Variants in PHKG2 observed in about 807,000 individuals in gnomAD.
The protein encoded by PHKG2 is phosphorylase b kinase gamma catalytic chain, liver/testis isoform.
Under a neutral mutation model 44.5 loss-of-function variants are expected in PHKG2, and 28 were observed. The observed-to-expected ratio is 0.63, with a 90% confidence interval of 0.47 to 0.86. PHKG2 has a LOEUF of 0.86. Among genes scored for constraint, PHKG2 ranks in the 40% least tolerant of loss-of-function variants. The pLI, the probability that PHKG2 is intolerant of heterozygous loss-of-function variation, is 0.00. For missense variants in PHKG2, 498 were observed against 547.5 expected (o/e 0.91, Z 0.90); for synonymous variants, 220 against 211.2 (o/e 1.04, Z -0.36).
chr16:30,761,023 GCCT>G lies in PHKG2; in HGVS notation c.*3931_*3933del, dbSNP rs1452131047. On this transcript the variant is annotated 3_prime_UTR_variant, in exon 10 of 10. Coordinates refer to ENST00000563588, the MANE Select transcript of PHKG2 (RefSeq NM_000294.3). The stretch of plus-strand genomic sequence containing the variant: ...TCTTTGGCTCTTTTTTTCTCACACT[GCCT>G]CCTCTTTGGACTGGAGAGGCTGGAA... The G allele has an allele frequency of 1.5e-6, 1 of 675,648 alleles. No individual in the cohort carries two copies. Among genetic ancestry groups the G allele is most frequent in the Non-Finnish European group, 2.5e-6 (1 of 401,392 alleles). 41.9% of individuals were successfully genotyped at this position (675,648 alleles called of 1,614,324 possible). A position where few individuals can be genotyped will look rare whatever the true frequency, so the allele number is the denominator to read the frequency against.
intron 6 of PHKG2, 34 bp from the exon 7 acceptor site, chr16:30,756,148 T>C: frequency 6.7e-7 from 1 of 1,499,722 alleles, no homozygotes; most frequent in Non-Finnish European, 9.3e-7. Flanking sequence ...GAGGGGCTGG[T>C]GGCATCCCCT....
chr16:30,757,496 CT>C lies in PHKG2; in HGVS notation c.*402del. The C allele has an allele frequency of 6.2e-7, 1 of 1,613,984 alleles. No homozygotes were observed. The highest frequency in any genetic ancestry group is 1.1e-5 in the South Asian group (1 of 91,042). On this transcript the variant is annotated 3_prime_UTR_variant, in exon 10 of 10. Transcript: ENST00000563588. ...GGGGGTCACTTGGTCTTGCTCTTGC[CT>C]TTACCCGGAGGTAGCTGGAAGGGCC...
intron 4 of PHKG2, chr16:30,753,018 AT>A: frequency 1.7e-6 from 1 of 596,924 alleles, no homozygotes; most frequent in Admixed American, 2.8e-5. Flanking sequence ...TATTTTTGCC[AT>A]AATTGCCCCA....
chr16:30,749,369 A>G lies in PHKG2; in HGVS notation c.95+454A>G, dbSNP rs1162422306. Among the ~76,000 whole-genome samples the G allele has an allele frequency of 3.3e-5, 5 of 151,840 alleles. No homozygotes were observed. In the East Asian group the frequency reaches 9.7e-4, roughly 29 times the overall value. ...GTTTGTTTGTTTGTTTGTTTTTGAG[A>G]CGGAGTCTCGCTCTGTCGCCCAGGC... is the stretch of plus-strand genomic sequence containing the variant. On this transcript the variant is annotated intron_variant, in intron 2 of 9. Coordinates refer to ENST00000563588, the MANE Select transcript of PHKG2 (RefSeq NM_000294.3).
At position 30,753,492 on chromosome 16, in the gene PHKG2, A is replaced by G. The variant is rs545582783; in HGVS notation, c.491A>G (p.Asn164Ser). 1.9e-6 allele frequency: 3 copies of G among 1,614,090 alleles called. No individual in the cohort carries two copies. Among genetic ancestry groups the G allele is most frequent in the East Asian group, 2.2e-5 (1 of 44,876 alleles). Residue 164 changes from asparagine (N) to serine (S), a missense_variant, in exon 6 of 10, where the codon AAT (asparagine) becomes AGT (serine). Transcript: ENST00000563588. ...CCCGAGAATATTCTCCTAGATGACA[A>G]TATGCAGATCCGACTTTCAGATTTC... The part of the protein sequence containing the change: ...LKPENILLDD[N>S]MQIRLSDFGF...
chr16:30,751,081 T>C, intron 2 of PHKG2, 25 bp from the exon 3 acceptor site: 1 of 1,611,088 alleles, frequency 6.2e-7, no homozygotes, highest in Non-Finnish European at 8.5e-7. Context: ...AGGCCCTGAC[T>C]TGTGCTATTT....
At position 30,759,516 on chromosome 16, in the gene PHKG2, T is replaced by G; in HGVS notation, c.*2419T>G. ...TACCTTCCGGAGCCCTGGCTTTGCC[T>G]CCAAAAGCCCAGCAACAGGAGCAAG... On this transcript the variant is annotated 3_prime_UTR_variant, in exon 10 of 10. Transcript: ENST00000563588. 2 of 1,614,180 alleles carry G rather than the reference T, an allele frequency of 1.2e-6. No individual in the cohort carries two copies. The highest frequency in any genetic ancestry group is 1.7e-6 in the Non-Finnish European group (2 of 1,180,036).
Position 30,757,463 on chromosome 16 carries a change from A to C in PHKG2, c.*366A>C, listed in dbSNP as rs748444172. The C allele has an allele frequency of 8.1e-6, 13 of 1,608,766 alleles. No homozygotes were observed. On this transcript the variant is annotated 3_prime_UTR_variant, in exon 10 of 10. Coordinates refer to ENST00000563588, the MANE Select transcript of PHKG2 (RefSeq NM_000294.3). ...ATTCTGGCCCAGACCTTTATTGGGGAAAATGTTGGGGGTCACTTGGTCTTG... is the reference window on the plus strand; with the variant it reads ...ATTCTGGCCCAGACCTTTATTGGGGCAAATGTTGGGGGTCACTTGGTCTTG...
intron 6 of PHKG2, among the ~76,000 whole-genome samples, chr16:30,754,276 C>A (rs1414018827): frequency 6.6e-6 from 1 of 151,366 alleles, no homozygotes; most frequent in Non-Finnish European, 1.5e-5. Context: ...AGCTATTCTT[C>A]TGCCTCAGCC....
chr16:30,748,954 C>T (rs970831285), intron 2 of PHKG2, 39 bp downstream of exon 2: 2 of 1,427,332 alleles, frequency 1.4e-6, no homozygotes, highest in African/African-American at 1.4e-5. Context: ...CCAAAGAGGT[C>T]GAGCCCCAGC....
chr16:30,760,897 G>A lies in PHKG2; in HGVS notation c.*3800G>A, dbSNP rs2151319369. Reference sequence around the variant, plus strand: ...AATCTTGAATTCTTTTTTCTGCTCTGCCACTACCTTGTATGACCTTGGTCA... The same window carrying A: ...AATCTTGAATTCTTTTTTCTGCTCTACCACTACCTTGTATGACCTTGGTCA... On this transcript the variant is annotated 3_prime_UTR_variant, in exon 10 of 10. Coordinates refer to ENST00000563588, the MANE Select transcript of PHKG2 (RefSeq NM_000294.3). 3 of 618,144 alleles carry A rather than the reference G, an allele frequency of 4.9e-6. No homozygotes were observed. The East Asian group carries it at 8.2e-5, about 17-fold the overall frequency. The allele number at this position is 618,144 out of a possible 1,614,324, so 38.3% of individuals were successfully genotyped here. A position where few individuals can be genotyped will look rare whatever the true frequency, so the allele number is the denominator to read the frequency against.
rs759605425 is a variant in PHKG2 at position 30,759,695 on chromosome 16, A to G, written c.*2598A>G. The G allele has an allele frequency of 8.1e-6, 13 of 1,613,578 alleles. No homozygotes were observed. The highest frequency in any genetic ancestry group is 1.0e-5 in the Non-Finnish European group (12 of 1,179,820). On this transcript the variant is annotated 3_prime_UTR_variant, in exon 10 of 10. Coordinates refer to ENST00000563588, the MANE Select transcript of PHKG2 (RefSeq NM_000294.3). Reference sequence around the variant, plus strand: ...AAAAGGACACTGGTGAAGTAGCGGTAGCACTCCTCCACGTTGCCCAAGGGG... The same window carrying G: ...AAAAGGACACTGGTGAAGTAGCGGTGGCACTCCTCCACGTTGCCCAAGGGG...
chr16:30,749,204 G>GGTGCTGGTGGTGGTGCTGGTGGTGGT lies in PHKG2; in HGVS notation c.95+292_95+293insCTGGTGGTGGTGCTGGTGGTGGTGTG, dbSNP rs1555466890. On this transcript the variant is annotated intron_variant, in intron 2 of 9. Coordinates refer to ENST00000563588, the MANE Select transcript of PHKG2 (RefSeq NM_000294.3). Reference sequence around the variant, plus strand: ...TGGTGCTGGTGGTGGTGCTGGTGGTGGTGTGTGTGTGTGTGTGTGTCTTTC... The same window carrying GGTGCTGGTGGTGGTGCTGGTGGTGGT: ...TGGTGCTGGTGGTGGTGCTGGTGGTGGTGCTGGTGGTGGTGCTGGTGGTGGTGTGTGTGTGTGTGTGTGTGTCTTTC... Among the ~76,000 whole-genome samples, 4 of 91,950 alleles carry GGTGCTGGTGGTGGTGCTGGTGGTGGT rather than the reference G, an allele frequency of 4.4e-5. 1 individual carries two copies. The highest frequency in any genetic ancestry group is 1.1e-4 in the Admixed American group (1 of 9,448). The allele number at this position is 91,950 out of a possible 152,430, so 60.3% of individuals were successfully genotyped here.
rs2053719094 is a variant in PHKG2, at chr16:30,760,815, T to A, written c.*3718T>A. 1 of 717,144 alleles carries A rather than the reference T, an allele frequency of 1.4e-6. No individual in the cohort carries two copies. Among genetic ancestry groups the A allele is most frequent in the Non-Finnish European group, 2.4e-6 (1 of 409,062 alleles). The allele number at this position is 717,144 out of a possible 1,614,324, so 44.4% of individuals were successfully genotyped here. On this transcript the variant is annotated 3_prime_UTR_variant, in exon 10 of 10. Coordinates refer to ENST00000563588, the MANE Select transcript of PHKG2 (RefSeq NM_000294.3). ...CTGTGTGACTATGCAAATCGTTAACTCTCTGGGCCTAAATGAACTCTTATG... is the reference window on the plus strand; with the variant it reads ...CTGTGTGACTATGCAAATCGTTAACACTCTGGGCCTAAATGAACTCTTATG...
chr16:30,756,090 TG>T, intron 6 of PHKG2, 91 bp from the exon 7 acceptor site: 3 of 944,238 alleles, frequency 3.2e-6, no homozygotes, highest in Non-Finnish European at 5.3e-6. Context: ...CTGGTAGTCC[TG>T]GCAGCGTTGA....
In PHKG2 at chr16:30,758,003, C is replaced by G; in HGVS notation, c.*906C>G. 1.2e-5 allele frequency: 3 copies of G among 259,986 alleles called. No individual in the cohort carries two copies. The South Asian group carries it at 2.3e-4, about 20-fold the overall frequency. 16.1% of individuals were successfully genotyped at this position (259,986 alleles called of 1,614,324 possible). The stretch of plus-strand genomic sequence containing the variant: ...TAAATGAGTTAATTTATGTAAAATG[C>G]TTAGAGCAGGGCATGCACTGCACAC... On this transcript the variant is annotated 3_prime_UTR_variant, in exon 10 of 10. Coordinates refer to ENST00000563588, the MANE Select transcript of PHKG2 (RefSeq NM_000294.3).
chr16:30,756,424 C>A lies in PHKG2; in HGVS notation c.705C>A (p.His235Gln). 3.7e-6 allele frequency: 6 copies of A among 1,614,012 alleles called. No homozygotes were observed. Among genetic ancestry groups the A allele is most frequent in the Non-Finnish European group, 5.1e-6 (6 of 1,180,018 alleles). The change falls in exon 8 of 10, where the codon CAC becomes CAA. Residue 235 changes from histidine (H) to glutamine (Q), a missense_variant. Physicochemically the swap from His to Gln is conservative, Grantham distance 24. Coordinates refer to ENST00000563588, the MANE Select transcript of PHKG2 (RefSeq NM_000294.3). Reference protein sequence around the residue: ...TLLAGSPPFWHRRQILMLRMI... With the variant: ...TLLAGSPPFWQRRQILMLRMI... ...TGGCTGGCTCGCCACCCTTCTGGCA[C>A]CGGCGGCAGATCCTGATGTTACGCA...
At position 30,760,171 on chromosome 16, in the gene PHKG2, A is replaced by G. The variant is rs778056178; in HGVS notation, c.*3074A>G. 6.9e-6 allele frequency: 11 copies of G among 1,598,406 alleles called. No homozygotes were observed. In the South Asian group the frequency reaches 1.1e-4, roughly 16 times the overall value. On this transcript the variant is annotated 3_prime_UTR_variant, in exon 10 of 10. Transcript: ENST00000563588. The stretch of plus-strand genomic sequence containing the variant: ...ATGGCTTGTGTATGATGATGCTACT[A>G]ATAATGACATATTCCAGGCAGAAAT...
rs899014984 is a variant in PHKG2 at position 30,751,275 on chromosome 16, C to G, written c.265C>G (p.His89Asp). ...HILRQVAGHPHIITLIDSYES... is the reference protein window; with the variant it reads ...HILRQVAGHPDIITLIDSYES... ...CCTTCGCCAGGTCGCCGGCCACCCC[C>G]ACATCAGTGAGGCTGTCTTCCTTGC... The change falls in exon 3 of 10, where the codon CAC (histidine) becomes GAC (aspartate). Residue 89 changes from histidine to aspartate, a missense_variant. Transcript: ENST00000563588. The G allele has an allele frequency of 1.9e-6, 3 of 1,609,448 alleles. No homozygotes were observed. The highest frequency in any genetic ancestry group is 4.5e-5 in the East Asian group (2 of 44,884).
Sources: gnomAD v4.1 joint callset for allele counts (sites outside exome capture counted in the v4.1 genomes callset) on GRCh38, gnomAD v4.1.1 for gene constraint, MANE v1.5 for transcripts, NCBI Gene and HGNC (gene_info 2026-07-23, HGNC 2026-07-21) for gene names.